The following CAVIN2 variants were observed in gnomAD, a reference collection of about 807,000 sequenced individuals.
CAVIN2 encodes the protein caveolae associated protein 2.
CAVIN2 carries 13 observed loss-of-function variants against 11.7 expected under a neutral mutation model. The observed-to-expected ratio is 1.11, with a 90% CI of 0.72 to 1.77. The LOEUF is 1.77. Among genes scored for constraint, CAVIN2 ranks in the 40% most tolerant of loss-of-function variants. CAVIN2 has a pLI of 0.00. For missense variants in CAVIN2, 549 were observed against 542.9 expected (o/e 1.01, Z -0.11); for synonymous variants, 237 against 223.2 (o/e 1.06, Z -0.55).
In CAVIN2 at chr2:191,847,067, G is replaced by T; in HGVS notation, c.-142C>A. On this transcript the variant is annotated 5_prime_UTR_variant, in exon 1 of 2. Transcript: ENST00000304141. ...CCAGGACTGGCAGAGGTTCAGACAG[G>T]CAACAACTGGCTACGCTGATCAGGG... The T allele has an allele frequency of 9.8e-7, 1 of 1,019,580 alleles. No homozygotes were observed. The highest frequency in any genetic ancestry group is 1.4e-6 in the Non-Finnish European group (1 of 712,278). The allele number at this position is 1,019,580 out of a possible 1,614,324, so 63.2% of individuals were successfully genotyped here. A position where few individuals can be genotyped will look rare whatever the true frequency, so the allele number is the denominator to read the frequency against.
In CAVIN2 at chr2:191,846,470, G is replaced by T. The variant is rs1440723200; in HGVS notation, c.456C>A (p.Arg152=). ...LENNHAQLLR[R]NHFKVLIFQE... ...GGAAGATGAGCACTTTGAAATGGTT[G>T]CGTCGGAGGAGCTGGGCGTGGTTGT... Residue 152 remains arginine, a synonymous_variant, in exon 1 of 2, where the codon CGC becomes CGA. Coordinates refer to ENST00000304141, the MANE Select transcript of CAVIN2 (RefSeq NM_004657.6). 1 of 1,613,558 alleles carries T rather than the reference G, an allele frequency of 6.2e-7. No homozygotes were observed. Among genetic ancestry groups the T allele is most frequent in the Non-Finnish European group, 8.5e-7 (1 of 1,179,680 alleles).
At chr2:191,839,591 G>C (rs1489775699) in intron 1 of CAVIN2, among the ~76,000 whole-genome samples, 1 of 152,088 alleles carries the variant, frequency 6.6e-6, no homozygotes, top group Non-Finnish European at 1.5e-5. Flanking sequence ...AAAATGCCAG[G>C]GAAATTATAT....
intron 1 of CAVIN2, among the ~76,000 whole-genome samples, chr2:191,840,380 G>A (rs1399377853): frequency 6.6e-6 from 1 of 152,196 alleles, no homozygotes; most frequent in East Asian, 1.9e-4. Context: ...CCCCAAGAGA[G>A]CTGATTATTT....
At chr2:191,844,629 C>G (rs1233467944) in intron 1 of CAVIN2, among the ~76,000 whole-genome samples, 2 of 152,174 alleles carry the variant, frequency 1.3e-5, no homozygotes, top group African/African-American at 2.4e-5. Context: ...TCTACCATAT[C>G]TGGCTGCAAT....
intron 1 of CAVIN2, among the ~76,000 whole-genome samples, chr2:191,846,026 T>G (rs944464663): frequency 2.0e-5 from 3 of 152,364 alleles, no homozygotes; most frequent in Non-Finnish European, 4.4e-5. Flanking sequence ...GATCACTTCA[T>G]TTCCACTAAG....
chr2:191,838,023 G>A (rs1480319216), intron 1 of CAVIN2, among the ~76,000 whole-genome samples: 2 of 152,222 alleles, frequency 1.3e-5, no homozygotes, highest in East Asian at 3.8e-4. Context: ...CCAGAGGGGG[G>A]CAAAGCTCCA....
At chr2:191,841,793 G>T (rs968927337) in intron 1 of CAVIN2, among the ~76,000 whole-genome samples, 12 of 152,258 alleles carry the variant, frequency 7.9e-5, no homozygotes, top group African/African-American at 2.9e-4. Flanking sequence ...TTACATAAGA[G>T]TATGCAATGA....
rs560189279 is a variant in CAVIN2, at chr2:191,834,757, T to C, written c.*1166A>G. On this transcript the variant is annotated 3_prime_UTR_variant, in exon 2 of 2. Coordinates refer to ENST00000304141, the MANE Select transcript of CAVIN2 (RefSeq NM_004657.6). ...CTGTGAAATTAATATGTAAATAAAA[T>C]ATAATCTGGAATGAAATTCCCATTA... The C allele has an allele frequency of 1.3e-5, 2 of 152,232 alleles. No homozygotes were observed. The highest frequency in any genetic ancestry group is 4.8e-5 in the African/African-American group (2 of 41,580). 9.4% of individuals were successfully genotyped at this position (152,232 alleles called of 1,614,324 possible).
chr2:191,846,755 C>A lies in CAVIN2; in HGVS notation c.171G>T (p.Thr57=), dbSNP rs146270652. ...IRDNSQVNAV[T]VLTLLDKLVN... ...CCAGCTTGTCCAGGAGCGTGAGCAC[C>A]GTGACTGCGTTCACCTGTGAGTTGT... is the stretch of plus-strand genomic sequence containing the variant. The change falls in exon 1 of 2, where the codon ACG becomes ACT. Residue 57 remains threonine (T), a synonymous_variant. Transcript: ENST00000304141. 5.3e-4 allele frequency: 860 copies of A among 1,614,192 alleles called. No individual in the cohort carries two copies. The highest frequency in any genetic ancestry group is 1.5e-3 in the African/African-American group (115 of 75,042).
chr2:191,836,029 T>C lies in CAVIN2; in HGVS notation c.1172A>G (p.Gln391Arg). 6.2e-7 allele frequency: 1 copy of C among 1,614,238 alleles called. No individual in the cohort carries two copies. The part of the protein sequence containing the change: ...EEESVALEQA[Q>R]KVRYEGSYAL... ...GTAGCTACCCTCATAGCGTACCTTC[T>C]GTGCCTGTTCCAGGGCCACTGACTC... Residue 391 changes from glutamine to arginine, a missense_variant, in exon 2 of 2, where the codon CAG (glutamine) becomes CGG (arginine). Physicochemically the swap from Gln to Arg is conservative, Grantham distance 43. Transcript: ENST00000304141.
Position 191,838,022 on chromosome 2 carries a change from G to T in CAVIN2, c.484-1305C>A, listed in dbSNP as rs368267422. On this transcript the variant is annotated intron_variant, in intron 1 of 1. Coordinates refer to ENST00000304141, the MANE Select transcript of CAVIN2 (RefSeq NM_004657.6). ...GGGCTCTGCTGGAATGCCAGAGGGGGGCAAAGCTCCAGACCCCCCTGCCAC... is the reference window on the plus strand; with the variant it reads ...GGGCTCTGCTGGAATGCCAGAGGGGTGCAAAGCTCCAGACCCCCCTGCCAC... 3.9e-5 allele frequency among the ~76,000 whole-genome samples: 6 copies of T among 152,308 alleles called. No individual in the cohort carries two copies. The East Asian group carries it at 1.2e-3, about 29-fold the overall frequency.
At position 191,835,968 on chromosome 2, in the gene CAVIN2, C is replaced by T; in HGVS notation, c.1233G>A (p.Gly411=). 2 of 1,613,990 alleles carry T rather than the reference C, an allele frequency of 1.2e-6. No individual in the cohort carries two copies. Among genetic ancestry groups the T allele is most frequent in the Non-Finnish European group, 1.7e-6 (2 of 1,180,018 alleles). ...LTSEEAERSD[G]DPVQPAVLQV... is the part of the protein sequence containing the mutation. ...GGAGCACGGCGGGCTGCACGGGGTC[C>T]CCATCGGAGCGCTCCGCCTCCTCGG... Residue 411 remains glycine (G), a synonymous_variant, in exon 2 of 2, where the codon GGG becomes GGA. Coordinates refer to ENST00000304141, the MANE Select transcript of CAVIN2 (RefSeq NM_004657.6).
chr2:191,834,477 T>G lies in CAVIN2; in HGVS notation c.*1446A>C, dbSNP rs1368565898. 6.6e-6 allele frequency: 1 copy of G among 152,218 alleles called. No individual in the cohort carries two copies. Among genetic ancestry groups the G allele is most frequent in the Non-Finnish European group, 1.5e-5 (1 of 68,014 alleles). 9.4% of individuals were successfully genotyped at this position (152,218 alleles called of 1,614,324 possible). A position where few individuals can be genotyped will look rare whatever the true frequency, so the allele number is the denominator to read the frequency against. On this transcript the variant is annotated 3_prime_UTR_variant, in exon 2 of 2. Transcript: ENST00000304141. Reference sequence around the variant, plus strand: ...CTTTTATTAAAGACAAAGCACAGTTTGTTAATATTGTCTTGGATTAACTCT... The same window carrying G: ...CTTTTATTAAAGACAAAGCACAGTTGGTTAATATTGTCTTGGATTAACTCT...
rs1444636065 is a variant in CAVIN2, at chr2:191,834,485, T to TTGTC, written c.*1434_*1437dup. 1 of 152,194 alleles carries TTGTC rather than the reference T, an allele frequency of 6.6e-6. No homozygotes were observed. The highest frequency in any genetic ancestry group is 2.4e-5 in the African/African-American group (1 of 41,468). The allele number at this position is 152,194 out of a possible 1,614,324, so 9.4% of individuals were successfully genotyped here. A position where few individuals can be genotyped will look rare whatever the true frequency, so the allele number is the denominator to read the frequency against. On this transcript the variant is annotated 3_prime_UTR_variant, in exon 2 of 2. Coordinates refer to ENST00000304141, the MANE Select transcript of CAVIN2 (RefSeq NM_004657.6). ...AAAGACAAAGCACAGTTTGTTAATA[T>TTGTC]TGTCTTGGATTAACTCTATTTGTAA...
rs200554518 is a variant in CAVIN2 at position 191,846,670 on chromosome 2, A to G, written c.256T>C (p.Leu86=). ...TGGATGCCCTTCACGGAGCCCTCCAAACTGATCTGTCGCTGCTCCATCTTG... is the reference window on the plus strand; with the variant it reads ...TGGATGCCCTTCACGGAGCCCTCCAGACTGATCTGTCGCTGCTCCATCTTG... ...QHKMEQRQIS[L]EGSVKGIQND... is the part of the protein sequence containing the mutation. The change falls in exon 1 of 2, where the codon TTG becomes CTG. Residue 86 remains leucine (L), a synonymous_variant. Transcript: ENST00000304141. 6.2e-7 allele frequency: 1 copy of G among 1,614,048 alleles called. No homozygotes were observed. Among genetic ancestry groups the G allele is most frequent in the Non-Finnish European group, 8.5e-7 (1 of 1,180,038 alleles).
At chr2:191,841,691 A>T (rs570599410) in intron 1 of CAVIN2, among the ~76,000 whole-genome samples, 1 of 152,312 alleles carries the variant, frequency 6.6e-6, no homozygotes, top group South Asian at 2.1e-4. Flanking sequence ...AACATTTTTC[A>T]TTCATTCAAT....
chr2:191,836,646 C>T lies in CAVIN2; in HGVS notation c.555G>A (p.Glu185=), dbSNP rs773274151. 4 of 1,613,952 alleles carry T rather than the reference C, an allele frequency of 2.5e-6. No homozygotes were observed. In the South Asian group the frequency reaches 4.4e-5, roughly 18 times the overall value. Reference sequence around the variant, plus strand: ...CCAGGGATTTGTTTTCATCCGGAAGCTCCTCCTTCCCTTCCACGGCACCGG... The same window carrying T: ...CCAGGGATTTGTTTTCATCCGGAAGTTCCTCCTTCCCTTCCACGGCACCGG... ...PVSGAVEGKE[E]LPDENKSLEE... is the part of the protein sequence containing the mutation. Residue 185 remains glutamate (E), a synonymous_variant, in exon 2 of 2, where the codon GAG becomes GAA. Transcript: ENST00000304141.
chr2:191,839,038 C>T (rs1054144880), intron 1 of CAVIN2, among the ~76,000 whole-genome samples: 6 of 152,154 alleles, frequency 3.9e-5, no homozygotes, highest in African/African-American at 1.2e-4. Flanking sequence ...GGTTAGACAA[C>T]TGAAATAGCT....
intron 1 of CAVIN2, among the ~76,000 whole-genome samples, chr2:191,838,554 G>A (rs933865355): frequency 6.6e-6 from 1 of 152,188 alleles, no homozygotes; most frequent in Non-Finnish European, 1.5e-5. Flanking sequence ...CATTTTGAAT[G>A]TCATGGTTAA....
Sources: allele counts gnomAD v4.1 joint callset (sites outside exome capture counted in the v4.1 genomes callset), GRCh38; gene constraint gnomAD v4.1.1; transcripts MANE v1.5; gene names NCBI Gene and HGNC (gene_info 2026-07-23, HGNC 2026-07-21).